SYN3: variants seen among roughly 807,000 people sequenced by gnomAD.
The protein encoded by SYN3 is synapsin-3.
Under a neutral mutation model 65.8 loss-of-function variants are expected in SYN3, and 35 were observed. That is an observed-to-expected ratio of 0.53 (90% CI 0.41 to 0.70). SYN3 has a LOEUF of 0.70. Ranked by LOEUF, SYN3 falls within the 30% of genes least tolerant of loss-of-function variation. SYN3 has a pLI of 0.00. For synonymous variants in SYN3, 270 were observed against 292.9 expected (o/e 0.92, Z 0.80); for missense variants, 680 against 749.0 (o/e 0.91, Z 1.08).
chr22:32,893,842 C>T (rs1330922724), intron 4 of SYN3, among the ~76,000 whole-genome samples: 2 of 152,156 alleles, frequency 1.3e-5, no homozygotes, highest in African/African-American at 2.4e-5. Context: ...CTGGGCTTCA[C>T]TGTATCACAT....
At chr22:32,599,142 T>C (rs1422379896) in intron 6 of SYN3, among the ~76,000 whole-genome samples, 1 of 152,220 alleles carries the variant, frequency 6.6e-6, no homozygotes, top group Non-Finnish European at 1.5e-5. Context: ...ATATCCAGTC[T>C]TGGTTCTTGC....
chr22:32,770,208 T>A (rs993612870), intron 6 of SYN3, among the ~76,000 whole-genome samples: 7 of 152,282 alleles, frequency 4.6e-5, no homozygotes, highest in Middle Eastern at 3.4e-3. Context: ...TTTTACCACA[T>A]CTATCACTAA....
intron 13 of SYN3, among the ~76,000 whole-genome samples, chr22:32,516,146 A>G (rs919098145): frequency 6.6e-6 from 1 of 152,100 alleles, no homozygotes; most frequent in Admixed American, 6.5e-5. Flanking sequence ...TGGTGTTGAT[A>G]GTGAATACTC....
intron 1 of SYN3, among the ~76,000 whole-genome samples, chr22:33,044,029 A>G (rs2145945195): frequency 6.6e-6 from 1 of 151,784 alleles, no homozygotes; most frequent in Non-Finnish European, 1.5e-5. Context: ...CACCATCCTG[A>G]TGACAGAGTG....
intron 3 of SYN3, among the ~76,000 whole-genome samples, chr22:32,951,974 A>G (rs2051303664): frequency 6.6e-6 from 1 of 152,200 alleles, no homozygotes; most frequent in Non-Finnish European, 1.5e-5. Flanking sequence ...TGCAGTCAGC[A>G]AGAACTGCTT....
In SYN3 at chr22:32,522,499, C is replaced by T. The variant is rs2057902674; in HGVS notation, c.1319-4165G>A. 2.0e-5 allele frequency among the ~76,000 whole-genome samples: 3 copies of T among 152,098 alleles called. 1 individual carries two copies. The highest frequency in any genetic ancestry group is 4.4e-5 in the Non-Finnish European group (3 of 68,032). ...AGGAGGGTGTGGGGCAGAGGCACAGCCAGGAGCCTGGTAGAGTGAGGAATA... is the reference window on the plus strand; with the variant it reads ...AGGAGGGTGTGGGGCAGAGGCACAGTCAGGAGCCTGGTAGAGTGAGGAATA... On this transcript the variant is annotated intron_variant, in intron 12 of 13. Coordinates refer to ENST00000358763, the MANE Select transcript of SYN3 (RefSeq NM_003490.4).
intron 3 of SYN3, among the ~76,000 whole-genome samples, chr22:32,939,919 GA>G (rs2050887901): frequency 1.3e-5 from 2 of 152,274 alleles, no homozygotes; most frequent in East Asian, 3.9e-4. Context: ...GGATTTAGAA[GA>G]TACAGATGGA....
chr22:32,917,296 C>T (rs2050210217), intron 4 of SYN3, among the ~76,000 whole-genome samples: 1 of 152,064 alleles, frequency 6.6e-6, no homozygotes, highest in Admixed American at 6.5e-5. Context: ...GCTGTGTCAA[C>T]CAGGTGGAAG....
rs1419748726 is a variant in SYN3 at position 32,851,623 on chromosome 22, G to A, written c.711+13292C>T. Among the ~76,000 whole-genome samples the A allele has an allele frequency of 2.0e-5, 3 of 152,122 alleles. No individual in the cohort carries two copies. The East Asian group carries it at 5.8e-4, about 29-fold the overall frequency. The stretch of plus-strand genomic sequence containing the variant: ...ATGTAGGATCCCTCGTCTTACTTCT[G>A]ACAGAGGCGCAAAGGGGAAATGACT... On this transcript the variant is annotated intron_variant, in intron 6 of 13. Coordinates refer to ENST00000358763, the MANE Select transcript of SYN3 (RefSeq NM_003490.4).
intron 6 of SYN3, among the ~76,000 whole-genome samples, chr22:32,726,276 G>A (rs1335294394): frequency 6.6e-6 from 1 of 152,136 alleles, no homozygotes; most frequent in Non-Finnish European, 1.5e-5. Flanking sequence ...CCAAGTAGCT[G>A]GGATTATAGG....
chr22:32,846,525 G>T (rs150793918), intron 6 of SYN3, among the ~76,000 whole-genome samples: 1 of 152,178 alleles, frequency 6.6e-6, no homozygotes, highest in African/African-American at 2.4e-5. Context: ...TGTTCTCAGC[G>T]CTTATATTAA....
chr22:32,792,259 T>A (rs1307113682), intron 6 of SYN3, among the ~76,000 whole-genome samples: 1 of 152,218 alleles, frequency 6.6e-6, no homozygotes, highest in Non-Finnish European at 1.5e-5. Flanking sequence ...CTCAGACTTA[T>A]GACATCACAG....
intron 6 of SYN3, among the ~76,000 whole-genome samples, chr22:32,660,003 T>G (rs1383161995): frequency 6.6e-6 from 1 of 152,230 alleles, no homozygotes; most frequent in Non-Finnish European, 1.5e-5. Flanking sequence ...AATGTATATT[T>G]GTAGAGTCAG....
At chr22:32,862,305 C>G (rs879905574) in intron 6 of SYN3, 1 of 152,308 alleles carries the variant, frequency 6.6e-6, no homozygotes, top group Non-Finnish European at 1.5e-5. Context: ...GCTCCATGCT[C>G]AGGCTCTCAG....
chr22:32,519,639 C>T (rs2057842889), intron 12 of SYN3: 1 of 152,168 alleles, frequency 6.6e-6, no homozygotes, highest in Non-Finnish European at 1.5e-5. Context: ...ATGTTGTAGC[C>T]ACCCAGAAAT....
chr22:32,676,794 C>T (rs1390079086), intron 6 of SYN3, among the ~76,000 whole-genome samples: 3 of 151,612 alleles, frequency 2.0e-5, no homozygotes, highest in Non-Finnish European at 4.4e-5. Flanking sequence ...CTGCCCACCT[C>T]GGCCTCCCAA....
chr22:32,783,002 A>G (rs2046108555), intron 6 of SYN3, among the ~76,000 whole-genome samples: 1 of 152,238 alleles, frequency 6.6e-6, no homozygotes, highest in Non-Finnish European at 1.5e-5. Context: ...GAGTAGTGAG[A>G]CCAGAACCTG....
At chr22:32,841,520 C>A (rs930656177) in intron 6 of SYN3, among the ~76,000 whole-genome samples, 3 of 152,042 alleles carry the variant, frequency 2.0e-5, no homozygotes, top group African/African-American at 7.2e-5. Context: ...CCATGAGAGC[C>A]CCGGGTGCAG....
At chr22:32,576,598 T>G (rs1339075677) in intron 7 of SYN3, among the ~76,000 whole-genome samples, 1 of 152,154 alleles carries the variant, frequency 6.6e-6, no homozygotes, top group Non-Finnish European at 1.5e-5. Context: ...ATTGTACACT[T>G]CAGTAATGGA....
Sources: gnomAD v4.1 joint callset for allele counts (sites outside exome capture counted in the v4.1 genomes callset) on GRCh38, gnomAD v4.1.1 for gene constraint, MANE v1.5 for transcripts, NCBI Gene and HGNC (gene_info 2026-07-23, HGNC 2026-07-21) for gene names.